DPP10: variants seen among roughly 807,000 people sequenced by gnomAD.
DPP10 encodes the protein dipeptidyl peptidase like 10.
A neutral mutation model predicts 120.9 loss-of-function variants in DPP10; 33 were observed. That is an observed-to-expected ratio of 0.27 (90% CI 0.21 to 0.37). DPP10 has a LOEUF of 0.37. Ranked by LOEUF, DPP10 falls within the 10% of genes least tolerant of loss-of-function variation. DPP10 has a pLI of 1.00. For synonymous variants in DPP10, 337 were observed against 326.1 expected (o/e 1.03, Z -0.36); for missense variants, 816 against 942.8 (o/e 0.87, Z 1.76).
intron 5 of DPP10, among the ~76,000 whole-genome samples, chr2:115,684,830 TGATA>T (rs1454240016): frequency 1.3e-5 from 2 of 151,976 alleles, no homozygotes; most frequent in Admixed American, 6.6e-5. Flanking sequence ...ATTTTTAATC[TGATA>T]GATCATGTTT....
chr2:115,109,303 C>T (rs1285241634), intron 1 of DPP10, among the ~76,000 whole-genome samples: 7 of 151,970 alleles, frequency 4.6e-5, no homozygotes, highest in Middle Eastern at 3.2e-3. Flanking sequence ...TTTGGGAGGC[C>T]GAGGTGGGCA....
chr2:114,590,214 C>T (rs1691344444), intron 1 of DPP10, among the ~76,000 whole-genome samples: 1 of 152,080 alleles, frequency 6.6e-6, no homozygotes, highest in African/African-American at 2.4e-5. Flanking sequence ...TCAAAGTATG[C>T]TTTCATCAAT....
chr2:115,497,148 G>C (rs909771938), intron 3 of DPP10, among the ~76,000 whole-genome samples: 1 of 152,012 alleles, frequency 6.6e-6, no homozygotes, highest in East Asian at 1.9e-4. Flanking sequence ...GAGCAGTAAG[G>C]GATTATAGAA....
At chr2:114,946,794 T>C (rs918825589) in intron 1 of DPP10, among the ~76,000 whole-genome samples, 27 of 152,140 alleles carry the variant, frequency 1.8e-4, no homozygotes, top group African/African-American at 5.1e-4. Context: ...AGGATTATTC[T>C]AGCCTCATAG....
chr2:115,622,510 C>CTTTTTTTTTTTTTTTT (rs70941082), intron 5 of DPP10, among the ~76,000 whole-genome samples: 2 of 117,448 alleles, frequency 1.7e-5, no homozygotes, highest in African/African-American at 3.4e-5. Context: ...ATTTTATTGT[C>CTTTTTTTTTTTTTTTT]TTTTTTTTTT....
intron 21 of DPP10, among the ~76,000 whole-genome samples, chr2:115,825,936 G>A (rs1029974370): frequency 6.6e-6 from 1 of 152,272 alleles, no homozygotes; most frequent in Non-Finnish European, 1.5e-5. Flanking sequence ...AAGAACTAAA[G>A]AAAGAAGTAA....
chr2:115,583,515 C>A (rs760422786), intron 5 of DPP10, among the ~76,000 whole-genome samples: 1 of 152,074 alleles, frequency 6.6e-6, no homozygotes, highest in South Asian at 2.1e-4. Flanking sequence ...CTGGGTTCAC[C>A]GGGGACTGTT....
At chr2:115,661,137 G>A (rs182743067) in intron 5 of DPP10, among the ~76,000 whole-genome samples, 2 of 152,046 alleles carry the variant, frequency 1.3e-5, no homozygotes, top group East Asian at 3.9e-4. Context: ...TTTTAGTAGG[G>A]ACCAGGTTTC....
intron 1 of DPP10, among the ~76,000 whole-genome samples, chr2:114,833,090 C>T (rs1369521570): frequency 6.6e-6 from 1 of 151,954 alleles, no homozygotes; most frequent in Non-Finnish European, 1.5e-5. Flanking sequence ...GGATTAAAAT[C>T]TTGGCATTCT....
chr2:115,468,439 G>T, intron 3 of DPP10: 5 of 456,104 alleles, frequency 1.1e-5, no homozygotes, highest in South Asian at 6.4e-5. Flanking sequence ...CCCAGGGCTG[G>T]CCACTGTCCT....
intron 13 of DPP10, among the ~76,000 whole-genome samples, chr2:115,775,890 G>A (rs1682038454): frequency 6.6e-6 from 1 of 152,026 alleles, no homozygotes; most frequent in African/African-American, 2.4e-5. Flanking sequence ...AAATTTTCCT[G>A]AGAAAATTAT....
intron 1 of DPP10, among the ~76,000 whole-genome samples, chr2:114,823,851 T>A (rs1686305540): frequency 6.6e-6 from 1 of 152,100 alleles, no homozygotes; most frequent in African/African-American, 2.4e-5. Flanking sequence ...CTTACCAGTG[T>A]CCCCCATTAG....
At chr2:114,664,479 C>G (rs963982147) in intron 1 of DPP10, among the ~76,000 whole-genome samples, 5 of 151,634 alleles carry the variant, frequency 3.3e-5, no homozygotes, top group African/African-American at 1.2e-4. Flanking sequence ...AAATACAAAA[C>G]TTAGCCGGGT....
chr2:115,019,260 CAAAT>C (rs1482500845), intron 1 of DPP10, among the ~76,000 whole-genome samples: 3 of 151,854 alleles, frequency 2.0e-5, no homozygotes, highest in African/African-American at 4.8e-5. Context: ...AATAAATTAT[CAAAT>C]AAATAAATAA....
intron 1 of DPP10, among the ~76,000 whole-genome samples, chr2:115,280,207 G>T (rs2060101476): frequency 6.6e-6 from 1 of 152,120 alleles, no homozygotes; most frequent in African/African-American, 2.4e-5. Context: ...GTGAGTGATG[G>T]ACATTTTATT....
At chr2:114,799,738 G>A (rs1684030533) in intron 1 of DPP10, among the ~76,000 whole-genome samples, 1 of 152,186 alleles carries the variant, frequency 6.6e-6, no homozygotes, top group Admixed American at 6.5e-5. Flanking sequence ...CTCACTTTGA[G>A]TTGGATGTCC....
chr2:115,234,082 G>A, intron 1 of DPP10: 1 of 369,062 alleles, frequency 2.7e-6, no homozygotes. Context: ...ATGAAGAAGT[G>A]GTTGTATTCC....
chr2:115,118,844 AC>A (rs918534306), intron 1 of DPP10, among the ~76,000 whole-genome samples: 85 of 151,726 alleles, frequency 5.6e-4, no homozygotes, highest in African/African-American at 1.9e-3. Context: ...CAAACTCCTG[AC>A]CTTAAGTGAT....
At chr2:114,498,087 T>C (rs1573497525) in intron 1 of DPP10, among the ~76,000 whole-genome samples, 1 of 152,222 alleles carries the variant, frequency 6.6e-6, no homozygotes, top group Non-Finnish European at 1.5e-5. Flanking sequence ...TACAATATGA[T>C]ACTGTGATAT....
Sources: gnomAD v4.1 joint callset for allele counts (sites outside exome capture counted in the v4.1 genomes callset) on GRCh38, gnomAD v4.1.1 for gene constraint, MANE v1.5 for transcripts, NCBI Gene and HGNC (gene_info 2026-07-23, HGNC 2026-07-21) for gene names.